PLA1A: variants seen among roughly 807,000 people sequenced by gnomAD.
PLA1A encodes phospholipase A1 member A.
PLA1A carries 47 observed loss-of-function variants against 49.4 expected under a neutral mutation model. The observed-to-expected ratio is 0.95, with a 90% CI of 0.75 to 1.21. The LOEUF (loss-of-function observed/expected upper bound fraction) is 1.21. Ranked by LOEUF, PLA1A falls within the 50% of genes most tolerant of loss-of-function variation. The probability of loss-of-function intolerance (pLI) is 0.00; values close to 1 mark genes in which losing one functional copy is unlikely to be tolerated. For synonymous variants in PLA1A, 224 were observed against 207.9 expected, an observed-to-expected ratio of 1.08 and a Z score of -0.67; for missense variants, 561 against 563.9, an observed-to-expected ratio of 0.99 and a Z score of 0.05.
chr3:119,601,300 G>A (rs934514204), intron 1 of PLA1A, among the ~76,000 whole-genome samples: 2 of 152,208 alleles, frequency 1.3e-5, no homozygotes, highest in African/African-American at 4.8e-5. Context: ...GCAGATCACA[G>A]AGGCCACCCA....
chr3:119,613,209 T>C, intron 5 of PLA1A, 91 bp downstream of exon 5: 1 of 778,494 alleles, frequency 1.3e-6, no homozygotes, highest in Non-Finnish European at 2.1e-6. Flanking sequence ...TGGGCAGAGA[T>C]GCCCTGACCC....
At chr3:119,607,904 T>G (rs1323596729) in intron 2 of PLA1A, among the ~76,000 whole-genome samples, 1 of 152,180 alleles carries the variant, frequency 6.6e-6, no homozygotes, top group Non-Finnish European at 1.5e-5. Context: ...TCCACACGAG[T>G]GTGCTCTCTT....
At chr3:119,609,327 T>G (rs2082734138) in intron 3 of PLA1A, 141 bp from the exon 4 acceptor site, 1 of 749,538 alleles carries the variant, frequency 1.3e-6, no homozygotes, top group Admixed American at 1.8e-5. Context: ...ATGAGAGTGC[T>G]GTCCTTTTTC....
At chr3:119,619,061 C>G (rs1321359592) in intron 7 of PLA1A, among the ~76,000 whole-genome samples, 1 of 152,252 alleles carries the variant, frequency 6.6e-6, no homozygotes, top group African/African-American at 2.4e-5. Flanking sequence ...ACTACACTTT[C>G]TCTTGCACTG....
intron 1 of PLA1A, among the ~76,000 whole-genome samples, chr3:119,599,556 T>C (rs973897608): frequency 6.6e-6 from 1 of 152,186 alleles, no homozygotes; most frequent in African/African-American, 2.4e-5. Context: ...TTTTGGAAGC[T>C]CATCTGTCGG....
At chr3:119,610,594 C>T (rs970992780) in intron 4 of PLA1A, among the ~76,000 whole-genome samples, 6 of 152,240 alleles carry the variant, frequency 3.9e-5, no homozygotes, top group South Asian at 2.1e-4. Context: ...TGTTTGTTAG[C>T]CACTTGTATG....
Position 119,618,143 on chromosome 3 carries a change from T to A in PLA1A, c.879T>A (p.Cys293Ter). 6.2e-7 allele frequency: 1 copy of A among 1,614,140 alleles called. No individual in the cohort carries two copies. Among genetic ancestry groups the A allele is most frequent in the East Asian group, 2.2e-5 (1 of 44,890 alleles). ...ACAAGGCCTTCCTTGCTGGACGCTG[T>A]CTGGATTGCTTTAACCCTTTTCTGC... ...ASYKAFLAGR[C>*]LDCFNPFLLS... is the part of the protein sequence containing the mutation. The change falls in exon 7 of 11, where the codon TGT becomes TGA. Residue 293 changes from cysteine to a stop codon, truncating the protein, a stop_gained. Coordinates refer to ENST00000273371, the MANE Select transcript of PLA1A (RefSeq NM_015900.4). LOFTEE classifies it high-confidence loss of function.
intron 4 of PLA1A, among the ~76,000 whole-genome samples, chr3:119,609,844 A>T (rs1397529939): frequency 6.6e-6 from 1 of 152,134 alleles, no homozygotes; most frequent in African/African-American, 2.4e-5. Flanking sequence ...AAACTTTTAG[A>T]TTCAGGATTT....
rs780121412 is a variant in PLA1A, at chr3:119,628,747, C to T, written c.1168C>T (p.Pro390Ser). ...YGKGIIAHAT[P>S]QCQINQVKFK... ...GAAAGGAATCATAGCCCATGCCACC[C>T]CACAATGCCAGATAAACCAAGTGAA... Residue 390 changes from proline to serine, a missense_variant, in exon 10 of 11, where the codon CCA (proline) becomes TCA (serine). Physicochemically the swap from Pro to Ser is moderately conservative, Grantham distance 74 (BLOSUM62 -1). Coordinates refer to ENST00000273371, the MANE Select transcript of PLA1A (RefSeq NM_015900.4). The T allele has an allele frequency of 2.4e-5, 39 of 1,613,932 alleles. No individual in the cohort carries two copies. Among genetic ancestry groups the T allele is most frequent in the African/African-American group, 2.7e-5 (2 of 74,932 alleles).
At chr3:119,606,355 T>C (rs1369464299) in intron 1 of PLA1A, among the ~76,000 whole-genome samples, 3 of 152,310 alleles carry the variant, frequency 2.0e-5, no homozygotes, top group Non-Finnish European at 4.4e-5. Context: ...ATAAAGATAA[T>C]AGTCATATTG....
chr3:119,628,635 G>A lies in PLA1A; in HGVS notation c.1122-66G>A, dbSNP rs1190926809. On this transcript the variant is annotated intron_variant, in intron 9 of 10. Transcript: ENST00000273371. Reference sequence around the variant, plus strand: ...GTGCCACCAGCAGAGCCCGATCGGAGCCAAAGGGGAAGTACAGGTGGTAAG... The same window carrying A: ...GTGCCACCAGCAGAGCCCGATCGGAACCAAAGGGGAAGTACAGGTGGTAAG... The A allele has an allele frequency of 7.7e-5, 114 of 1,489,500 alleles. No individual in the cohort carries two copies. In the East Asian group the frequency reaches 1.5e-3, roughly 20 times the overall value. 92.3% of individuals were successfully genotyped at this position (1,489,500 alleles called of 1,614,324 possible).
chr3:119,625,122 A>G lies in PLA1A; in HGVS notation c.1013-2A>G. The stretch of plus-strand genomic sequence containing the variant: ...AGTCTCTGTTGTGCTTTGGTTTCCT[A>G]GTGCATCACAGCCTCGTGGAGTTTC... On this transcript the variant is annotated splice_acceptor_variant, in intron 8 of 10. Transcript: ENST00000273371. LOFTEE classifies it high-confidence loss of function. The G allele has an allele frequency of 1.2e-6, 2 of 1,601,126 alleles. No individual in the cohort carries two copies. Among genetic ancestry groups the G allele is most frequent in the Admixed American group, 1.7e-5 (1 of 59,988 alleles).
chr3:119,617,483 C>G (rs532386709), intron 6 of PLA1A, among the ~76,000 whole-genome samples: 1 of 152,058 alleles, frequency 6.6e-6, no homozygotes, highest in South Asian at 2.1e-4. Flanking sequence ...TGGCTCACAC[C>G]TGTAATCTCA....
intron 1 of PLA1A, among the ~76,000 whole-genome samples, chr3:119,603,777 C>T (rs1454765600): frequency 6.6e-6 from 1 of 152,176 alleles, no homozygotes; most frequent in African/African-American, 2.4e-5. Context: ...TTATAAGGTG[C>T]CTATGAATGA....
At chr3:119,614,252 AC>A (rs2082812536) in intron 5 of PLA1A, among the ~76,000 whole-genome samples, 1 of 152,168 alleles carries the variant, frequency 6.6e-6, no homozygotes, top group South Asian at 2.1e-4. Context: ...CAGATAGGAA[AC>A]CAAAGCCCAC....
chr3:119,617,553 G>A (rs1244943099), intron 6 of PLA1A, among the ~76,000 whole-genome samples: 1 of 151,872 alleles, frequency 6.6e-6, no homozygotes, highest in East Asian at 1.9e-4. Flanking sequence ...GACCAGCCTG[G>A]CCAATATGGC....
rs368153254 is a variant in PLA1A at position 119,615,806 on chromosome 3, C to T, written c.665-206C>T. ...AGCCTGGGTGACAAGAGCGAGAGAG[C>T]GAAAAAAGAAAGCCTCAGAAAAAAA... On this transcript the variant is annotated intron_variant, in intron 5 of 10. Transcript: ENST00000273371. Among the ~76,000 whole-genome samples the T allele has an allele frequency of 4.1e-5, 6 of 145,574 alleles. No homozygotes were observed. The South Asian group carries it at 6.6e-4, about 16-fold the overall frequency.
At chr3:119,598,848 G>A (rs1246490212) in intron 1 of PLA1A, among the ~76,000 whole-genome samples, 1 of 152,080 alleles carries the variant, frequency 6.6e-6, no homozygotes, top group Non-Finnish European at 1.5e-5. Flanking sequence ...TTTCTGCTCA[G>A]CACCCCTCCC....
chr3:119,619,565 C>T lies in PLA1A; in HGVS notation c.925C>T (p.Leu309=), dbSNP rs1441282239. The T allele has an allele frequency of 1.4e-5, 23 of 1,611,610 alleles. No homozygotes were observed. The highest frequency in any genetic ancestry group is 2.0e-5 in the Non-Finnish European group (23 of 1,177,654). Residue 309 remains leucine, a splice_region_variant and synonymous_variant, in exon 8 of 11, where the codon CTG becomes TTG. Transcript: ENST00000273371. ...PFLLSCPRIG[L]VEQGGVKIEP... ...TGTCTTTGCTTCTTTATTTCCAGGA[C>T]TGGTGGAACAAGGTGGTGTCAAGAT... is the stretch of plus-strand genomic sequence containing the variant.
Sources: gnomAD v4.1 joint callset for allele counts (sites outside exome capture counted in the v4.1 genomes callset) on GRCh38, gnomAD v4.1.1 for gene constraint, MANE v1.5 for transcripts, NCBI Gene and HGNC (gene_info 2026-07-23, HGNC 2026-07-21) for gene names.